The following SLC9A4 variants were observed in gnomAD, a reference collection of about 807,000 sequenced individuals.
SLC9A4 encodes sodium/hydrogen exchanger 4.
SLC9A4 carries 63 observed loss-of-function variants against 67.4 expected under a neutral mutation model. The observed-to-expected ratio is 0.93, with a 90% CI of 0.76 to 1.15. SLC9A4 has a LOEUF of 1.15. Ranked by LOEUF, SLC9A4 falls within the 50% of genes most tolerant of loss-of-function variation. SLC9A4 has a pLI of 0.00. For missense variants in SLC9A4, 1,089 were observed against 987.7 expected (o/e 1.10, Z -1.38); for synonymous variants, 393 against 367.2 (o/e 1.07, Z -0.80).
At chr2:102,504,698 G>C (rs1445359100) in intron 3 of SLC9A4, among the ~76,000 whole-genome samples, 1 of 152,206 alleles carries the variant, frequency 6.6e-6, no homozygotes, top group Non-Finnish European at 1.5e-5. Context: ...CTAGGCATCT[G>C]TCACTTTCCC....
chr2:102,502,916 G>A (rs766502757), intron 2 of SLC9A4, among the ~76,000 whole-genome samples: 30 of 152,224 alleles, frequency 2.0e-4, no homozygotes, highest in Non-Finnish European at 3.1e-4. Context: ...GGCCAAAGCC[G>A]CAGGGTTGCA....
chr2:102,475,351 A>G lies in SLC9A4; in HGVS notation c.256+1336A>G, dbSNP rs1323625208. Among the ~76,000 whole-genome samples the G allele has an allele frequency of 2.0e-5, 3 of 152,176 alleles. No homozygotes were observed. The South Asian group carries it at 6.2e-4, about 31-fold the overall frequency. ...TTCTGTGTTCCCTGCTCCCCATTCC[A>G]CAACCTGGCTTCCTCTTCACAGAAA... On this transcript the variant is annotated intron_variant, in intron 1 of 11. Transcript: ENST00000295269.
rs749642002 is a variant in SLC9A4 at position 102,508,904 on chromosome 2, G to C, written c.1459G>C (p.Glu487Gln). ...YLDVKKTNKK[E>Q]SINEELHIRL... is the part of the protein sequence containing the mutation. ...GGATGTTAAAAAAACCAATAAAAAA[G>C]AATCCATCAATGAAGAGCTTCATAT... The change falls in exon 6 of 12, where the codon GAA becomes CAA. Residue 487 changes from glutamate (E) to glutamine (Q), a missense_variant. Coordinates refer to ENST00000295269, the MANE Select transcript of SLC9A4 (RefSeq NM_001011552.4). 1 of 1,612,668 alleles carries C rather than the reference G, an allele frequency of 6.2e-7. No individual in the cohort carries two copies. Among genetic ancestry groups the C allele is most frequent in the South Asian group, 1.1e-5 (1 of 90,840 alleles).
At chr2:102,483,715 C>CCG (rs2104416939) in intron 2 of SLC9A4, among the ~76,000 whole-genome samples, 1 of 151,032 alleles carries the variant, frequency 6.6e-6, no homozygotes, top group Admixed American at 6.6e-5. Context: ...GTGTCCTCAC[C>CCG]CGCCACTATA....
intron 11 of SLC9A4, among the ~76,000 whole-genome samples, chr2:102,527,961 C>A (rs576146566): frequency 1.5e-4 from 23 of 152,102 alleles, no homozygotes; most frequent in African/African-American, 5.5e-4. Flanking sequence ...ATTTGAAGAA[C>A]CCTATATAAC....
intron 2 of SLC9A4, among the ~76,000 whole-genome samples, chr2:102,485,218 GAC>G (rs1684561859): frequency 6.6e-6 from 1 of 152,160 alleles, no homozygotes; most frequent in Non-Finnish European, 1.5e-5. Flanking sequence ...TTGTTATAAA[GAC>G]ACAGATTCTC....
At chr2:102,521,697 C>T (rs1387443355) in intron 9 of SLC9A4, among the ~76,000 whole-genome samples, 2 of 152,204 alleles carry the variant, frequency 1.3e-5, no homozygotes, top group Non-Finnish European at 2.9e-5. Context: ...TACATTTACT[C>T]TGTTTCTAGC....
chr2:102,532,920 G>C lies in SLC9A4; in HGVS notation c.*232G>C, dbSNP rs1163947976. The stretch of plus-strand genomic sequence containing the variant: ...TTAGATGAATTCCCTGTGAGTGAGA[G>C]AAGTTGATCACCCCAGGAATTAGTC... On this transcript the variant is annotated 3_prime_UTR_variant, in exon 12 of 12. Transcript: ENST00000295269. The C allele has an allele frequency of 2.3e-6, 1 of 442,458 alleles. No homozygotes were observed. Among genetic ancestry groups the C allele is most frequent in the East Asian group, 3.6e-5 (1 of 27,544 alleles). 27.4% of individuals were successfully genotyped at this position (442,458 alleles called of 1,614,324 possible).
intron 8 of SLC9A4, among the ~76,000 whole-genome samples, chr2:102,518,389 A>G (rs980511535): frequency 6.6e-6 from 1 of 152,204 alleles, no homozygotes. Flanking sequence ...GAATGTGTTC[A>G]GATTGTGGAA....
At chr2:102,522,064 G>C (rs1212783652) in intron 9 of SLC9A4, among the ~76,000 whole-genome samples, 3 of 152,146 alleles carry the variant, frequency 2.0e-5, no homozygotes, top group African/African-American at 7.2e-5. Flanking sequence ...TTCCCGGTAG[G>C]ACAACCACAG....
intron 2 of SLC9A4, among the ~76,000 whole-genome samples, chr2:102,490,384 T>C (rs760310567): frequency 6.6e-6 from 1 of 152,230 alleles, no homozygotes; most frequent in Admixed American, 6.5e-5. Flanking sequence ...TTGGTTTCTG[T>C]TGAGGCCTCA....
chr2:102,515,919 C>T (rs2192757), intron 8 of SLC9A4, among the ~76,000 whole-genome samples: 115,678 of 151,980 alleles, frequency 0.76, 44,285 homozygotes, highest in Middle Eastern at 0.81. Flanking sequence ...TAGAGAGCTA[C>T]GCAAGTCTAT....
intron 6 of SLC9A4, 149 bp from the exon 7 acceptor site, chr2:102,512,054 A>T (rs926321159): frequency 1.3e-6 from 1 of 746,090 alleles, no homozygotes; most frequent in Admixed American, 2.8e-5. Flanking sequence ...AAGGCACCAA[A>T]TATTTTATTA....
At position 102,532,797 on chromosome 2, in the gene SLC9A4, G is replaced by T; in HGVS notation, c.*109G>T. 1.7e-6 allele frequency: 2 copies of T among 1,193,946 alleles called. No individual in the cohort carries two copies. The highest frequency in any genetic ancestry group is 2.3e-6 in the Non-Finnish European group (2 of 859,224). The allele number at this position is 1,193,946 out of a possible 1,614,324, so 74.0% of individuals were successfully genotyped here. ...AGAGAGCTATTGAGTTTGCTGTGTT[G>T]AAGCTATTAAACATGGATCTATAAG... On this transcript the variant is annotated 3_prime_UTR_variant, in exon 12 of 12. Coordinates refer to ENST00000295269, the MANE Select transcript of SLC9A4 (RefSeq NM_001011552.4).
intron 2 of SLC9A4, among the ~76,000 whole-genome samples, chr2:102,482,104 A>G (rs1397708271): frequency 6.6e-6 from 1 of 152,224 alleles, no homozygotes; most frequent in African/African-American, 2.4e-5. Context: ...CTTGCGGGCA[A>G]GCTTCACAAA....
intron 8 of SLC9A4, 141 bp downstream of exon 8, chr2:102,514,392 A>C (rs1398442960): frequency 1.8e-6 from 1 of 556,466 alleles, no homozygotes; most frequent in Non-Finnish European, 2.9e-6. Flanking sequence ...ATGTAATCTA[A>C]GTCTTGGCAT....
At position 102,494,811 on chromosome 2, in the gene SLC9A4, T is replaced by G. The variant is rs1320612231; in HGVS notation, c.721-8637T>G. On this transcript the variant is annotated intron_variant, in intron 2 of 11. Coordinates refer to ENST00000295269, the MANE Select transcript of SLC9A4 (RefSeq NM_001011552.4). ...TAAAAATTGTACATGTATATCCACC[T>G]AATATTAGTGCAACAAAATACATGA... Among the ~76,000 whole-genome samples the G allele has an allele frequency of 4.6e-5, 7 of 152,244 alleles. No homozygotes were observed. The East Asian group carries it at 1.2e-3, about 25-fold the overall frequency.
chr2:102,495,938 TGACTATAGAAACAAA>T (rs1684799048), intron 2 of SLC9A4, among the ~76,000 whole-genome samples: 1 of 152,082 alleles, frequency 6.6e-6, no homozygotes, highest in Non-Finnish European at 1.5e-5. Context: ...AAAATCTTTA[TGACTATAGAAACAAA>T]GACTTTTTGA....
intron 2 of SLC9A4, among the ~76,000 whole-genome samples, chr2:102,491,157 C>T (rs1573333595): frequency 6.6e-6 from 1 of 152,200 alleles, no homozygotes; most frequent in East Asian, 1.9e-4. Flanking sequence ...AAGTGCAATC[C>T]TACAAGATTC....
Sources: allele counts gnomAD v4.1 joint callset (sites outside exome capture counted in the v4.1 genomes callset), GRCh38; gene constraint gnomAD v4.1.1; transcripts MANE v1.5; gene names NCBI Gene and HGNC (gene_info 2026-07-23, HGNC 2026-07-21).